Variants in RASGRP1 observed in about 807,000 individuals in gnomAD.
RASGRP1 encodes the protein RAS guanyl releasing protein 1.
Under a neutral mutation model 95.1 loss-of-function variants are expected in RASGRP1, and 37 were observed. That is an observed-to-expected ratio of 0.39 (90% CI 0.30 to 0.51). The LOEUF (loss-of-function observed/expected upper bound fraction) is 0.51. Among genes scored for constraint, RASGRP1 ranks in the 20% least tolerant of loss-of-function variants. The pLI is 0.80. For synonymous variants in RASGRP1, 325 were observed against 353.4 expected, an observed-to-expected ratio of 0.92 and a Z score of 0.90; for missense variants, 711 against 965.4, an observed-to-expected ratio of 0.74 and a Z score of 3.49.
rs574011370 is a variant in RASGRP1 at position 38,510,670 on chromosome 15, A to G, written c.966+934T>C. Among the ~76,000 whole-genome samples, 15 of 152,386 alleles carry G rather than the reference A, an allele frequency of 9.8e-5. No homozygotes were observed. The South Asian group carries it at 3.1e-3, about 32-fold the overall frequency. On this transcript the variant is annotated intron_variant, in intron 8 of 16. Coordinates refer to ENST00000310803, the MANE Select transcript of RASGRP1 (RefSeq NM_005739.4). ...ATTACAGTGGTTTATATTTATAACA[A>G]CAGCTCCAGCTGGACTCAGTGGCTC...
intron 6 of RASGRP1, among the ~76,000 whole-genome samples, chr15:38,515,108 T>C (rs1248143468): frequency 1.3e-5 from 2 of 152,094 alleles, no homozygotes; most frequent in African/African-American, 4.8e-5. Flanking sequence ...TGAATGAAAA[T>C]GTAAAATAAC....
At chr15:38,555,916 G>A (rs184666373) in intron 2 of RASGRP1, among the ~76,000 whole-genome samples, 5 of 152,226 alleles carry the variant, frequency 3.3e-5, no homozygotes, top group African/African-American at 1.2e-4. Flanking sequence ...TTTTCTTTCC[G>A]ATGCTGTCAG....
chr15:38,494,526 C>A lies in RASGRP1; in HGVS notation c.2115G>T (p.Val705=). Residue 705 remains valine (V), a synonymous_variant, in exon 16 of 17, where the codon GTG becomes GTT. Transcript: ENST00000310803. ...GACATGGAGAGGTGGGACTGGGAAG[C>A]ACATATAGAGTATCCTGGGCTGTCT... ...PRKTAQDTLY[V]LPSPTSPCPS... 6.3e-7 allele frequency: 1 copy of A among 1,596,992 alleles called. No homozygotes were observed. Among genetic ancestry groups the A allele is most frequent in the Non-Finnish European group, 8.5e-7 (1 of 1,171,382 alleles).
chr15:38,498,265 T>C (rs1029098043), intron 15 of RASGRP1, among the ~76,000 whole-genome samples: 1 of 152,232 alleles, frequency 6.6e-6, no homozygotes, highest in African/African-American at 2.4e-5. Flanking sequence ...TACCTGCTTC[T>C]AGACATGCAG....
chr15:38,527,925 C>T (rs976700602), intron 2 of RASGRP1, among the ~76,000 whole-genome samples: 1 of 152,052 alleles, frequency 6.6e-6, no homozygotes, highest in Non-Finnish European at 1.5e-5. Context: ...CATCACTGCA[C>T]TCTGTCTGGG....
intron 10 of RASGRP1, 75 bp from the exon 11 acceptor site, chr15:38,503,451 T>C: frequency 9.1e-7 from 1 of 1,095,192 alleles, no homozygotes. Context: ...CTTTTCCCAC[T>C]ACCTGACGGT....
chr15:38,519,665 G>A (rs62008290), intron 3 of RASGRP1, among the ~76,000 whole-genome samples: 1,704 of 152,216 alleles, frequency 0.011, 20 homozygotes, highest in Non-Finnish European at 0.019. Flanking sequence ...AAGAGGTCCT[G>A]AGACAGGTAA....
At position 38,503,345 on chromosome 15, in the gene RASGRP1, A is replaced by G. The variant is rs1447835279; in HGVS notation, c.1355T>C (p.Val452Ala). The G allele has an allele frequency of 1.2e-6, 2 of 1,612,106 alleles. No homozygotes were observed. Among genetic ancestry groups the G allele is most frequent in the East Asian group, 2.2e-5 (1 of 44,806 alleles). ...PLTPSKPPVVVDWASGVSPKP... is the reference protein window; with the variant it reads ...PLTPSKPPVVADWASGVSPKP... ...GGGAGACACTCCAGAAGCCCAGTCC[A>G]CTACTACTGGTGGCTTTGAAGGTGT... Residue 452 changes from valine to alanine, a missense_variant, in exon 11 of 17, where the codon GTG becomes GCG. By Grantham distance (64) the Val-to-Ala change is moderately conservative. Coordinates refer to ENST00000310803, the MANE Select transcript of RASGRP1 (RefSeq NM_005739.4).
In RASGRP1 at chr15:38,516,342, C is replaced by T. The variant is rs201247088; in HGVS notation, c.530G>A (p.Arg177His). Residue 177 changes from arginine to histidine, a missense_variant, in exon 6 of 17, where the codon CGT becomes CAT. By Grantham distance (29) the Arg-to-His change is conservative. Coordinates refer to ENST00000310803, the MANE Select transcript of RASGRP1 (RefSeq NM_005739.4). ...TTGAGTAAGTTTCCTGGACCAGTCA[C>T]GGGCATTGCTTTTGTGGGTAAATGT... is the stretch of plus-strand genomic sequence containing the variant. ...RLIDTTQINA[R>H]DWSRKLTQRI... 2.1e-4 allele frequency: 342 copies of T among 1,610,654 alleles called. No homozygotes were observed. The highest frequency in any genetic ancestry group is 2.8e-4 in the Non-Finnish European group (327 of 1,177,004).
At chr15:38,499,973 A>T in intron 14 of RASGRP1, 130 bp downstream of exon 14, 1 of 866,090 alleles carries the variant, frequency 1.2e-6, no homozygotes, top group Non-Finnish European at 1.8e-6. Flanking sequence ...CTTAGGCCTC[A>T]CCAGCCCTGT....
chr15:38,533,039 G>A (rs1350607580), intron 2 of RASGRP1, among the ~76,000 whole-genome samples: 7 of 152,096 alleles, frequency 4.6e-5, no homozygotes, highest in Admixed American at 1.3e-4. Context: ...GAAAACAAAC[G>A]TCCAGCACCA....
Position 38,507,146 on chromosome 15 carries a change from A to G in RASGRP1, c.1242+580T>C, listed in dbSNP as rs1445059976. On this transcript the variant is annotated intron_variant, in intron 9 of 16. Transcript: ENST00000310803. ...GAATCTTGGACGGTTATATGTCCAT[A>G]GTCACACAGCTGGTAAACTACGGAA... Among the ~76,000 whole-genome samples, 6 of 152,204 alleles carry G rather than the reference A, an allele frequency of 3.9e-5. No homozygotes were observed. The East Asian group carries it at 9.6e-4, about 24-fold the overall frequency.
Position 38,501,487 on chromosome 15 carries a change from T to C in RASGRP1, c.1539-200A>G, listed in dbSNP as rs1891020757. On this transcript the variant is annotated intron_variant, in intron 12 of 16. Transcript: ENST00000310803. ...CATGTGGTAAGTAGGTAAGGCAGCATTACTCATTTCCACAGAGGTGTTCTT... is the reference window on the plus strand; with the variant it reads ...CATGTGGTAAGTAGGTAAGGCAGCACTACTCATTTCCACAGAGGTGTTCTT... 9.5e-6 allele frequency: 7 copies of C among 733,110 alleles called. No individual in the cohort carries two copies. The Admixed American group carries it at 1.4e-4, about 15-fold the overall frequency. 45.4% of individuals were successfully genotyped at this position (733,110 alleles called of 1,614,324 possible).
At chr15:38,556,682 G>A (rs1268057381) in intron 2 of RASGRP1, among the ~76,000 whole-genome samples, 5 of 152,170 alleles carry the variant, frequency 3.3e-5, no homozygotes, top group East Asian at 1.9e-4. Context: ...CCTATGGTTG[G>A]TGAGGCTTAG....
At chr15:38,562,693 T>C (rs1445186061) in intron 1 of RASGRP1, among the ~76,000 whole-genome samples, 5 of 152,188 alleles carry the variant, frequency 3.3e-5, no homozygotes, top group Non-Finnish European at 7.3e-5. Flanking sequence ...AACTAGAGGC[T>C]CTATCTACTG....
chr15:38,514,895 C>A (rs1188250575), intron 6 of RASGRP1, among the ~76,000 whole-genome samples: 1 of 152,220 alleles, frequency 6.6e-6, no homozygotes, highest in Non-Finnish European at 1.5e-5. Context: ...TGGCTCAGCT[C>A]TGACTGCTGT....
At chr15:38,546,113 A>T (rs1186766006) in intron 2 of RASGRP1, among the ~76,000 whole-genome samples, 2 of 152,228 alleles carry the variant, frequency 1.3e-5, no homozygotes, top group East Asian at 3.8e-4. Context: ...AAAAAGCCAT[A>T]CACTAACACT....
At chr15:38,521,859 A>T (rs187266082) in intron 3 of RASGRP1, among the ~76,000 whole-genome samples, 72 of 152,306 alleles carry the variant, frequency 4.7e-4, no homozygotes, top group Middle Eastern at 3.4e-3. Context: ...AAATTCTATT[A>T]CTTCCAGGTC....
chr15:38,496,573 C>T (rs374110873), intron 15 of RASGRP1, among the ~76,000 whole-genome samples: 1 of 152,144 alleles, frequency 6.6e-6, no homozygotes, highest in Non-Finnish European at 1.5e-5. Context: ...ATACAGGGTA[C>T]AGGCCTATTT....
Sources: gnomAD v4.1 joint callset for allele counts (sites outside exome capture counted in the v4.1 genomes callset) on GRCh38, gnomAD v4.1.1 for gene constraint, MANE v1.5 for transcripts, NCBI Gene and HGNC (gene_info 2026-07-23, HGNC 2026-07-21) for gene names.